The following TTLL5 variants were observed in gnomAD, a reference collection of about 807,000 sequenced individuals.
The protein encoded by TTLL5 is tubulin polyglutamylase TTLL5.
TTLL5 carries 132 observed loss-of-function variants against 168.4 expected under a neutral mutation model. The ratio of observed to expected loss-of-function variants is 0.78; its 90% CI spans 0.68 to 0.91. The LOEUF (loss-of-function observed/expected upper bound fraction) is 0.91. Ranked by LOEUF, TTLL5 falls within the 40% of genes least tolerant of loss-of-function variation. The pLI, the probability that TTLL5 is intolerant of heterozygous loss-of-function variation, is 0.00. For synonymous variants in TTLL5, 546 were observed against 558.6 expected (o/e 0.98, Z 0.32); for missense variants, 1,545 against 1,581.5 (o/e 0.98, Z 0.39).
chr14:75,846,601 T>A (rs1595141504), intron 28 of TTLL5, among the ~76,000 whole-genome samples: 2 of 151,784 alleles, frequency 1.3e-5, no homozygotes, highest in South Asian at 4.2e-4. Flanking sequence ...GACCAGCCTG[T>A]CCAACATGGA....
In TTLL5 at chr14:75,914,263, A is replaced by G. The variant is rs542941239; in HGVS notation, c.3823+12039A>G. Among the ~76,000 whole-genome samples the G allele has an allele frequency of 2.1e-3, 314 of 151,676 alleles. 1 individual carries two copies. Among genetic ancestry groups the G allele is most frequent in the Admixed American group, 3.7e-3 (56 of 15,230 alleles). On this transcript the variant is annotated intron_variant, in intron 31 of 31. Coordinates refer to ENST00000298832, the MANE Select transcript of TTLL5 (RefSeq NM_015072.5). ...ACTTTTTGGGTGAATTGTCTCTTCA[A>G]TAAGACCATAAACTTTTTGAGGGCA...
At chr14:75,687,885 G>A (rs531004908) in intron 5 of TTLL5, among the ~76,000 whole-genome samples, 6 of 152,224 alleles carry the variant, frequency 3.9e-5, no homozygotes, top group East Asian at 1.9e-4. Context: ...ACTATACAAA[G>A]TATCAGTATA....
At chr14:75,881,515 A>G (rs1363169153) in intron 29 of TTLL5, among the ~76,000 whole-genome samples, 4 of 152,208 alleles carry the variant, frequency 2.6e-5, no homozygotes, top group African/African-American at 9.7e-5. Context: ...ACATTTTACT[A>G]AAATTACCCA....
chr14:75,851,826 A>G (rs2139892514), intron 28 of TTLL5, among the ~76,000 whole-genome samples: 1 of 152,272 alleles, frequency 6.6e-6, no homozygotes, highest in Admixed American at 6.5e-5. Context: ...GTGTAAAGGC[A>G]TTGTAAATAC....
intron 31 of TTLL5, among the ~76,000 whole-genome samples, chr14:75,939,828 A>T (rs1035200128): frequency 2.0e-5 from 3 of 152,210 alleles, no homozygotes; most frequent in African/African-American, 7.2e-5. Context: ...AATTTTTATC[A>T]GACTAGAAGC....
intron 28 of TTLL5, among the ~76,000 whole-genome samples, chr14:75,853,577 TC>T (rs1896984305): frequency 6.6e-6 from 1 of 152,196 alleles, no homozygotes; most frequent in African/African-American, 2.4e-5. Context: ...TTACATATGA[TC>T]CCAGTATTGC....
chr14:75,694,389 T>C (rs1049506866), intron 6 of TTLL5, among the ~76,000 whole-genome samples: 2 of 152,086 alleles, frequency 1.3e-5, no homozygotes, highest in Non-Finnish European at 2.9e-5. Context: ...CAGGCTGGAG[T>C]GCAATGGTGT....
intron 12 of TTLL5, among the ~76,000 whole-genome samples, chr14:75,728,253 G>A (rs1888309302): frequency 6.6e-6 from 1 of 151,948 alleles, no homozygotes; most frequent in African/African-American, 2.4e-5. Context: ...CTACTTGGGA[G>A]GCTGAGGCAG....
chr14:75,680,958 A>G (rs188980075), intron 3 of TTLL5, among the ~76,000 whole-genome samples: 5 of 152,198 alleles, frequency 3.3e-5, no homozygotes, highest in African/African-American at 9.6e-5. Context: ...TTTTGGTACA[A>G]TAGATCCCTT....
chr14:75,915,689 G>A (rs1366334619), intron 31 of TTLL5, among the ~76,000 whole-genome samples: 1 of 152,134 alleles, frequency 6.6e-6, no homozygotes, highest in Non-Finnish European at 1.5e-5. Context: ...GTATAAAAAT[G>A]GGTTAGAATA....
At chr14:75,788,390 A>G (rs1444429083) in intron 26 of TTLL5, among the ~76,000 whole-genome samples, 1 of 152,146 alleles carries the variant, frequency 6.6e-6, no homozygotes, top group African/African-American at 2.4e-5. Context: ...ATCAAGAAAA[A>G]AGAGAAGACA....
chr14:75,909,813 A>G (rs1368090100), intron 31 of TTLL5, among the ~76,000 whole-genome samples: 1 of 152,248 alleles, frequency 6.6e-6, no homozygotes, highest in Non-Finnish European at 1.5e-5. Context: ...GGCTGTAGCC[A>G]CACAAGAAGG....
chr14:75,717,744 G>A, intron 9 of TTLL5, 117 bp from the exon 10 acceptor site: 2 of 892,508 alleles, frequency 2.2e-6, no homozygotes, highest in South Asian at 3.3e-5. Flanking sequence ...GTAGGCACTT[G>A]GTATTTGTTA....
At chr14:75,769,059 AG>A (rs780038689) in intron 20 of TTLL5, among the ~76,000 whole-genome samples, 3 of 152,252 alleles carry the variant, frequency 2.0e-5, no homozygotes, top group Non-Finnish European at 2.9e-5. Flanking sequence ...AATTGAAAAT[AG>A]AGCATTTGAA....
chr14:75,863,879 C>G lies in TTLL5; in HGVS notation c.3522+17C>G, dbSNP rs761095835. The G allele has an allele frequency of 2.4e-6, 2 of 817,046 alleles. No individual in the cohort carries two copies. The highest frequency in any genetic ancestry group is 6.4e-4 in the Middle Eastern group (2 of 3,136). The allele number at this position is 817,046 out of a possible 1,614,324, so 50.6% of individuals were successfully genotyped here. On this transcript the variant is annotated intron_variant, in intron 29 of 31. Transcript: ENST00000298832. ...CGGCACCAGGTAATTCAAGATAAGTCTTTTCCATGTGTTATATCTTCCTGC... is the reference window on the plus strand; with the variant it reads ...CGGCACCAGGTAATTCAAGATAAGTGTTTTCCATGTGTTATATCTTCCTGC...
chr14:75,767,181 G>C (rs1024521773), intron 20 of TTLL5, among the ~76,000 whole-genome samples: 3 of 137,800 alleles, frequency 2.2e-5, no homozygotes, highest in Non-Finnish European at 4.7e-5. Context: ...AAAAAAAAAA[G>C]ACATAGAGGT....
chr14:75,807,729 T>C (rs1436259427), intron 27 of TTLL5, among the ~76,000 whole-genome samples: 2 of 152,224 alleles, frequency 1.3e-5, no homozygotes, highest in Non-Finnish European at 2.9e-5. Flanking sequence ...TTTCTGTCTC[T>C]TTCGGTGTGA....
At chr14:75,738,687 A>G (rs946925510) in intron 15 of TTLL5, among the ~76,000 whole-genome samples, 1 of 152,210 alleles carries the variant, frequency 6.6e-6, no homozygotes, top group African/African-American at 2.4e-5. Context: ...CAAAGAGCTT[A>G]TATTCTAAAT....
At chr14:75,717,137 C>T (rs1261757262) in intron 9 of TTLL5, among the ~76,000 whole-genome samples, 4 of 151,704 alleles carry the variant, frequency 2.6e-5, no homozygotes, top group Non-Finnish European at 2.9e-5. Flanking sequence ...TGTGGGCACT[C>T]AGTCGGTGTT....
Sources: allele counts gnomAD v4.1 joint callset (sites outside exome capture counted in the v4.1 genomes callset), GRCh38; gene constraint gnomAD v4.1.1; transcripts MANE v1.5; gene names NCBI Gene and HGNC (gene_info 2026-07-23, HGNC 2026-07-21).